TMTC3: variants seen among roughly 807,000 people sequenced by gnomAD.
TMTC3 encodes transmembrane O-mannosyltransferase targeting cadherins 3, also known as protein O-mannosyl-transferase TMTC3.
In TMTC3, 52 loss-of-function variants were observed where a neutral mutation model predicts 92.2. The ratio of observed to expected loss-of-function variants is 0.56; its 90% CI spans 0.45 to 0.71. TMTC3 has a LOEUF of 0.71. Among genes scored for constraint, TMTC3 ranks in the 30% least tolerant of loss-of-function variants. The probability of loss-of-function intolerance (pLI) is 0.00; values close to 1 mark genes in which losing one functional copy is unlikely to be tolerated. For missense variants in TMTC3, 896 were observed against 1,057.1 expected (o/e 0.85, Z 2.11); for synonymous variants, 339 against 363.3 (o/e 0.93, Z 0.76).
At chr12:88,186,987 T>A (rs2041384937) in intron 10 of TMTC3, among the ~76,000 whole-genome samples, 1 of 152,056 alleles carries the variant, frequency 6.6e-6, no homozygotes, top group African/African-American at 2.4e-5. Flanking sequence ...TTTCTAACAT[T>A]GGTTGGGGAT....
Position 88,195,782 on chromosome 12 carries a change from A to C in TMTC3, c.*133A>C, listed in dbSNP as rs2041505714. ...ATGAGCTGCCTTGAAGTAGGATCAA[A>C]ATAAGATTTTCATTAAAGACCTGTA... On this transcript the variant is annotated 3_prime_UTR_variant, in exon 14 of 14. Transcript: ENST00000266712. The C allele has an allele frequency of 1.5e-6, 1 of 674,344 alleles. No homozygotes were observed. Among genetic ancestry groups the C allele is most frequent in the Non-Finnish European group, 2.4e-6 (1 of 416,948 alleles). The allele number at this position is 674,344 out of a possible 1,614,324, so 41.8% of individuals were successfully genotyped here.
rs2041509088 is a variant in TMTC3 at position 88,196,085 on chromosome 12, C to CA, written c.*437dup. 3.3e-5 allele frequency: 5 copies of CA among 153,022 alleles called. No individual in the cohort carries two copies. The highest frequency in any genetic ancestry group is 2.6e-4 in the Admixed American group (4 of 15,314). The allele number at this position is 153,022 out of a possible 1,614,324, so 9.5% of individuals were successfully genotyped here. On this transcript the variant is annotated 3_prime_UTR_variant, in exon 14 of 14. Coordinates refer to ENST00000266712, the MANE Select transcript of TMTC3 (RefSeq NM_181783.4). The stretch of plus-strand genomic sequence containing the variant: ...TTAGAATCTAACTATGAATTGAAAA[C>CA]ACTTAAGTAATTCTGTTTAATCAAG...
At chr12:88,150,284 C>T (rs915305783) in intron 2 of TMTC3, among the ~76,000 whole-genome samples, 3 of 152,156 alleles carry the variant, frequency 2.0e-5, no homozygotes, top group Admixed American at 2.0e-4. Context: ...ACAGCCAGCT[C>T]TCTCAAGAAC....
chr12:88,181,536 T>C (rs2043256318), intron 10 of TMTC3, among the ~76,000 whole-genome samples: 1 of 152,110 alleles, frequency 6.6e-6, no homozygotes, highest in Non-Finnish European at 1.5e-5. Context: ...TGCTTGTTCA[T>C]TGCCATAAGC....
intron 8 of TMTC3, 95 bp downstream of exon 8, chr12:88,172,840 C>T (rs1661957855): frequency 8.8e-6 from 13 of 1,484,436 alleles, no homozygotes; most frequent in Middle Eastern, 3.5e-4. Flanking sequence ...CTAAGTCATG[C>T]TTTTGTATCT....
rs1343525314 is a variant in TMTC3 at position 88,199,547 on chromosome 12, A to AATG, written c.*3901_*3903dup. 6.6e-6 allele frequency: 1 copy of AATG among 152,188 alleles called. No homozygotes were observed. Among genetic ancestry groups the AATG allele is most frequent in the African/African-American group, 2.4e-5 (1 of 41,454 alleles). The allele number at this position is 152,188 out of a possible 1,614,324, so 9.4% of individuals were successfully genotyped here. On this transcript the variant is annotated 3_prime_UTR_variant, in exon 14 of 14. Transcript: ENST00000266712. ...AATGTCAGTGACAGGATAACAAGCAAATGATTAGAAATCTAATAGTAATGC... is the reference window on the plus strand; with the variant it reads ...AATGTCAGTGACAGGATAACAAGCAAATGATGATTAGAAATCTAATAGTAATGC...
rs201509383 is a variant in TMTC3, at chr12:88,195,001, C to T, written c.2097C>T (p.Ala699=). The T allele has an allele frequency of 3.5e-5, 57 of 1,613,744 alleles. No individual in the cohort carries two copies. In the East Asian group the frequency reaches 4.7e-4, roughly 13 times the overall value. The change falls in exon 14 of 14, where the codon GCC becomes GCT. Residue 699 remains alanine, a synonymous_variant. Transcript: ENST00000266712. ...IWMKKAIKLQ[A]DFRSALFNLA... ...TGAAGAAAGCCATAAAGTTACAAGC[C>T]GACTTCCGAAGTGCTTTGTTTAATC...
Position 88,150,081 on chromosome 12 carries a change from CAG to C in TMTC3, c.189+1578_189+1579del, listed in dbSNP as rs376767424. Among the ~76,000 whole-genome samples the C allele has an allele frequency of 5.4e-4, 82 of 152,224 alleles. 1 individual carries two copies. The highest frequency in any genetic ancestry group is 1.8e-3 in the African/African-American group (73 of 41,534). ...TATTGCTACGAAGAAATACCTGAGA[CAG>C]GGTAATATATAAGAAAAGAGGTTTT... On this transcript the variant is annotated intron_variant, in intron 2 of 13. Coordinates refer to ENST00000266712, the MANE Select transcript of TMTC3 (RefSeq NM_181783.4).
At chr12:88,187,674 T>C (rs2041394084) in intron 10 of TMTC3, among the ~76,000 whole-genome samples, 1 of 152,350 alleles carries the variant, frequency 6.6e-6, no homozygotes, top group African/African-American at 2.4e-5. Context: ...TAAAACATTA[T>C]ATAGCAAGTT....
chr12:88,159,994 A>G (rs956603866), intron 4 of TMTC3, 120 bp from the exon 5 acceptor site: 59 of 565,602 alleles, frequency 1.0e-4, no homozygotes, highest in African/African-American at 1.0e-3. Context: ...TAAAGTATGT[A>G]CTACTAATTA....
chr12:88,167,476 GA>G (rs1192225113), intron 7 of TMTC3, among the ~76,000 whole-genome samples: 1 of 151,990 alleles, frequency 6.6e-6, no homozygotes, highest in Non-Finnish European at 1.5e-5. Flanking sequence ...TTATATGTCA[GA>G]AAGTATGTTT....
At position 88,195,644 on chromosome 12, in the gene TMTC3, G is replaced by T; in HGVS notation, c.2740G>T (p.Glu914Ter). 6.3e-7 allele frequency: 1 copy of T among 1,581,828 alleles called. No homozygotes were observed. Among genetic ancestry groups the T allele is most frequent in the South Asian group, 1.2e-5 (1 of 84,930 alleles). Reference sequence around the variant, plus strand: ...AGAGATTGAACGTATTTTAAATGGTGAATAACATTAATATTTATCGTGACA... The same window carrying T: ...AGAGATTGAACGTATTTTAAATGGTTAATAACATTAATATTTATCGTGACA... ...LEEIERILNG[E>*] Residue 914 changes from glutamate (E) to a stop codon, truncating the protein, a stop_gained, in exon 14 of 14, where the codon GAA becomes TAA. Coordinates refer to ENST00000266712, the MANE Select transcript of TMTC3 (RefSeq NM_181783.4). LOFTEE classifies it high-confidence loss of function.
intron 10 of TMTC3, among the ~76,000 whole-genome samples, chr12:88,188,641 A>G (rs1484560168): frequency 2.0e-5 from 3 of 152,234 alleles, no homozygotes; most frequent in Non-Finnish European, 4.4e-5. Context: ...ATAACAAGTT[A>G]AATTACAAGA....
intron 2 of TMTC3, among the ~76,000 whole-genome samples, chr12:88,149,663 G>C (rs983521508): frequency 1.3e-5 from 2 of 151,976 alleles, no homozygotes; most frequent in Non-Finnish European, 2.9e-5. Flanking sequence ...TATGTTTCTC[G>C]GTCATTGTGG....
intron 3 of TMTC3, 129 bp downstream of exon 3, chr12:88,153,638 T>G (rs2040971306): frequency 1.9e-6 from 1 of 536,154 alleles, no homozygotes; most frequent in Non-Finnish European, 3.2e-6. Flanking sequence ...ATTTGAAGAC[T>G]CTTAAATTCG....
Position 88,195,589 on chromosome 12 carries a change from G to T in TMTC3, c.2685G>T (p.Lys895Asn). ...CAAAAGACATCAAAGAAATTGAGAAGAAAAGAGTTGCTGCTTTAAAAAGAC... is the reference window on the plus strand; with the variant it reads ...CAAAAGACATCAAAGAAATTGAGAATAAAAGAGTTGCTGCTTTAAAAAGAC... Reference protein sequence around the residue: ...KTTKDIKEIEKKRVAALKRLE... With the variant: ...KTTKDIKEIENKRVAALKRLE... Residue 895 changes from lysine (K) to asparagine (N), a missense_variant, in exon 14 of 14, where the codon AAG (lysine) becomes AAT (asparagine). Transcript: ENST00000266712. The T allele has an allele frequency of 6.2e-7, 1 of 1,604,544 alleles. No homozygotes were observed. Among genetic ancestry groups the T allele is most frequent in the South Asian group, 1.1e-5 (1 of 88,340 alleles).
chr12:88,168,342 A>G (rs1363864590), intron 7 of TMTC3, among the ~76,000 whole-genome samples: 2 of 149,984 alleles, frequency 1.3e-5, no homozygotes, highest in Non-Finnish European at 3.0e-5. Context: ...TGTAGGAATA[A>G]TTTAACTTTG....
chr12:88,190,541 A>G lies in TMTC3; in HGVS notation c.1625A>G (p.Glu542Gly). 1 of 1,613,992 alleles carries G rather than the reference A, an allele frequency of 6.2e-7. No homozygotes were observed. ...INLANLIRAN[E>G]SRLEEADQLY... is the part of the protein sequence containing the mutation. ...CTGGCTAACCTGATCCGAGCAAATG[A>G]GTCCCGACTGGAAGAAGCAGATCAG... The change falls in exon 12 of 14, where the codon GAG becomes GGG. Residue 542 changes from glutamate (E) to glycine (G), a missense_variant. By Grantham distance (98) the Glu-to-Gly change is moderately conservative. Transcript: ENST00000266712.
intron 13 of TMTC3, among the ~76,000 whole-genome samples, chr12:88,193,597 T>C (rs893295068): frequency 6.6e-6 from 1 of 152,176 alleles, no homozygotes; most frequent in Non-Finnish European, 1.5e-5. Context: ...TTCTATTTAG[T>C]AGAGTGAAAA....
Sources: gnomAD v4.1 joint callset for allele counts (sites outside exome capture counted in the v4.1 genomes callset) on GRCh38, gnomAD v4.1.1 for gene constraint, MANE v1.5 for transcripts, NCBI Gene and HGNC (gene_info 2026-07-23, HGNC 2026-07-21) for gene names.